The following CDK5R2 variants were observed in gnomAD, a reference collection of about 807,000 sequenced individuals.
CDK5R2 encodes the protein cyclin-dependent kinase 5 activator 2.
In CDK5R2, 7 loss-of-function variants were observed where a neutral mutation model predicts 23.1. That is an observed-to-expected ratio of 0.30 (90% CI 0.17 to 0.57). CDK5R2 has a LOEUF of 0.57. Among genes scored for constraint, CDK5R2 ranks in the 20% least tolerant of loss-of-function variants. The pLI, the probability that CDK5R2 is intolerant of heterozygous loss-of-function variation, is 0.91. For missense variants in CDK5R2, 380 were observed against 537.6 expected (o/e 0.71, Z 2.90); for synonymous variants, 242 against 264.9 (o/e 0.91, Z 0.84).
Position 218,960,456 on chromosome 2 carries a change from G to C in CDK5R2, c.636G>C (p.Trp212Cys). 1 of 1,612,734 alleles carries C rather than the reference G, an allele frequency of 6.2e-7. No homozygotes were observed. Among genetic ancestry groups the C allele is most frequent in the Non-Finnish European group, 8.5e-7 (1 of 1,179,888 alleles). Residue 212 changes from tryptophan (W) to cysteine (C), a missense_variant, in exon 1 of 1, where the codon TGG (tryptophan) becomes TGC (cysteine). Physicochemically the swap from Trp to Cys is radical, Grantham distance 215. Coordinates refer to ENST00000302625, the MANE Select transcript of CDK5R2 (RefSeq NM_003936.5). Reference sequence around the variant, plus strand: ...TGAGCCCGGGCGAGCTGGTGGGCTGGTTCCGCGGTGTGGACCGCTCGCTGC... The same window carrying C: ...TGAGCCCGGGCGAGCTGGTGGGCTGCTTCCGCGGTGTGGACCGCTCGCTGC... ...KELSPGELVGWFRGVDRSLLL... is the reference protein window; with the variant it reads ...KELSPGELVGCFRGVDRSLLL...
In CDK5R2 at chr2:218,959,941, G is replaced by T; in HGVS notation, c.121G>T (p.Ala41Ser). Residue 41 changes from alanine (A) to serine (S), a missense_variant, in exon 1 of 1, where the codon GCG becomes TCG. Around this residue, in one of 3 missense-constraint regions of CDK5R2, gnomAD observed 197 missense variants for 246.4 expected, o/e 0.80. Transcript: ENST00000302625. This position sits in a 1 kb window ranked among gnomAD's most constrained non-coding sequence, Gnocchi z 4.0. ...AGDEALGGYG[A>S]PPVGKGGKGE... ...GGACGAGGCGCTGGGGGGCTACGGG[G>T]CGCCGCCAGTGGGCAAGGGCGGCAA... 6.6e-7 allele frequency: 1 copy of T among 1,518,698 alleles called. No individual in the cohort carries two copies. Among genetic ancestry groups the T allele is most frequent in the Non-Finnish European group, 8.8e-7 (1 of 1,136,258 alleles). The allele number at this position is 1,518,698 out of a possible 1,614,324, so 94.1% of individuals were successfully genotyped here.
Position 218,960,845 on chromosome 2 carries a change from G to A in CDK5R2, c.1025G>A (p.Gly342Asp). The change falls in exon 1 of 1, where the codon GGC becomes GAC. Residue 342 changes from glycine (G) to aspartate (D), a missense_variant. Physicochemically the swap from Gly to Asp is moderately conservative, Grantham distance 94. Coordinates refer to ENST00000302625, the MANE Select transcript of CDK5R2 (RefSeq NM_003936.5). Reference protein sequence around the residue: ...AASGGGPPSGGAPAASSAARD... With the variant: ...AASGGGPPSGDAPAASSAARD... Reference sequence around the variant, plus strand: ...AGCGGCGGGGGCCCACCGAGCGGGGGCGCGCCCGCCGCCTCCTCGGCCGCC... The same window carrying A: ...AGCGGCGGGGGCCCACCGAGCGGGGACGCGCCCGCCGCCTCCTCGGCCGCC... 1 of 1,508,872 alleles carries A rather than the reference G, an allele frequency of 6.6e-7. No individual in the cohort carries two copies. Among genetic ancestry groups the A allele is most frequent in the African/African-American group, 1.5e-5 (1 of 68,102 alleles). The allele number at this position is 1,508,872 out of a possible 1,614,324, so 93.5% of individuals were successfully genotyped here. A position where few individuals can be genotyped will look rare whatever the true frequency, so the allele number is the denominator to read the frequency against.
rs1234045942 is a variant in CDK5R2 at position 218,960,566 on chromosome 2, G to A, written c.746G>A (p.Gly249Glu). The change falls in exon 1 of 1, where the codon GGG becomes GAG. Residue 249 changes from glycine (G) to glutamate (E), a missense_variant. This residue lies in a region of CDK5R2 where 124 missense variants were observed against 235.5 expected (regional missense o/e 0.53). Transcript: ENST00000302625. ...CTGCTGTGCCGCGAGTCGCTGCGTG[G>A]GGACGAGCTGGCGTCGGCCGCCGAG... ...VYLLCRESLR[G>E]DELASAAELQ... 6.2e-7 allele frequency: 1 copy of A among 1,613,908 alleles called. No individual in the cohort carries two copies. Among genetic ancestry groups the A allele is most frequent in the Admixed American group, 1.7e-5 (1 of 60,030 alleles).
rs950535523 is a variant in CDK5R2, at chr2:218,959,867, G to A, written c.47G>A (p.Arg16Gln). The A allele has an allele frequency of 3.5e-6, 5 of 1,433,654 alleles. No individual in the cohort carries two copies. The highest frequency in any genetic ancestry group is 3.6e-6 in the Non-Finnish European group (4 of 1,105,634). 88.8% of individuals were successfully genotyped at this position (1,433,654 alleles called of 1,614,324 possible). A position where few individuals can be genotyped will look rare whatever the true frequency, so the allele number is the denominator to read the frequency against. ...SLSPASSAKG[R>Q]RPGGLPEEKK... ...TCGCCTGCCTCCTCGGCCAAGGGCC[G>A]GAGGCCCGGCGGGCTGCCCGAGGAG... Residue 16 changes from arginine to glutamine, a missense_variant, in exon 1 of 1, where the codon CGG (arginine) becomes CAG (glutamine). Around this residue, in one of 3 missense-constraint regions of CDK5R2, gnomAD observed 197 missense variants for 246.4 expected, o/e 0.80. Coordinates refer to ENST00000302625, the MANE Select transcript of CDK5R2 (RefSeq NM_003936.5). This position sits in a 1 kb window ranked among gnomAD's most constrained non-coding sequence, Gnocchi z 4.0.
chr2:218,960,919 C>A lies in CDK5R2; in HGVS notation c.1099C>A (p.Arg367Ser). ...CAAGCACTGGACTATGAACCTGGAC[C>A]GCTAGGGATACCCAGGGGCCGCGCC... The part of the protein sequence containing the change: ...GTKHWTMNLD[R>S] The change falls in exon 1 of 1, where the codon CGC becomes AGC. Residue 367 changes from arginine (R) to serine (S), a missense_variant. By Grantham distance (110) the Arg-to-Ser change is moderately radical. Around this residue, in one of 3 missense-constraint regions of CDK5R2, gnomAD observed 59 missense variants for 55.7 expected, o/e 1.06. Coordinates refer to ENST00000302625, the MANE Select transcript of CDK5R2 (RefSeq NM_003936.5). 7.1e-7 allele frequency: 1 copy of A among 1,415,036 alleles called. No individual in the cohort carries two copies. The highest frequency in any genetic ancestry group is 9.2e-7 in the Non-Finnish European group (1 of 1,082,622). The allele number at this position is 1,415,036 out of a possible 1,614,324, so 87.7% of individuals were successfully genotyped here.
rs188341731 is a variant in CDK5R2, at chr2:218,961,306, C to A, written c.*382C>A. 1 of 197,932 alleles carries A rather than the reference C, an allele frequency of 5.1e-6. No individual in the cohort carries two copies. Among genetic ancestry groups the A allele is most frequent in the African/African-American group, 2.3e-5 (1 of 42,570 alleles). The allele number at this position is 197,932 out of a possible 1,614,324, so 12.3% of individuals were successfully genotyped here. A position where few individuals can be genotyped will look rare whatever the true frequency, so the allele number is the denominator to read the frequency against. Reference sequence around the variant, plus strand: ...TCCTCCTGTCTGCATTCCTCTCTCTCTCTCTCCCTCTCTCTCCTGTTCCTC... The same window carrying A: ...TCCTCCTGTCTGCATTCCTCTCTCTATCTCTCCCTCTCTCTCCTGTTCCTC... On this transcript the variant is annotated 3_prime_UTR_variant, in exon 1 of 1. Transcript: ENST00000302625. The surrounding 1 kb of genome is among the most constrained non-coding windows in gnomAD (Gnocchi z 4.4).
At position 218,959,960 on chromosome 2, in the gene CDK5R2, G is replaced by C. The variant is rs757681013; in HGVS notation, c.140G>C (p.Gly47Ala). 3 of 1,543,236 alleles carry C rather than the reference G, an allele frequency of 1.9e-6. No homozygotes were observed. Among genetic ancestry groups the C allele is most frequent in the Non-Finnish European group, 2.6e-6 (3 of 1,147,486 alleles). ...GGYGAPPVGK[G>A]GKGESRLKRP... The stretch of plus-strand genomic sequence containing the variant: ...TACGGGGCGCCGCCAGTGGGCAAGG[G>C]CGGCAAAGGCGAGAGCCGACTCAAG... Residue 47 changes from glycine (G) to alanine (A), a missense_variant, in exon 1 of 1, where the codon GGC becomes GCC. By Grantham distance (60) the Gly-to-Ala change is moderately conservative. Coordinates refer to ENST00000302625, the MANE Select transcript of CDK5R2 (RefSeq NM_003936.5). The surrounding 1 kb of genome is among the most constrained non-coding windows in gnomAD (Gnocchi z 4.0).
In CDK5R2 at chr2:218,961,141, C is replaced by T. The variant is rs760346685; in HGVS notation, c.*217C>T. ...GTGGAGTGGGGACGGAAGATGAGCG[C>T]GGGAAAGGCACTCCAACCTCACTCT... On this transcript the variant is annotated 3_prime_UTR_variant, in exon 1 of 1. Transcript: ENST00000302625. This position sits in a 1 kb window ranked among gnomAD's most constrained non-coding sequence, Gnocchi z 4.4. The T allele has an allele frequency of 1.9e-5, 8 of 426,586 alleles. No individual in the cohort carries two copies. The highest frequency in any genetic ancestry group is 2.9e-5 in the Non-Finnish European group (7 of 238,036). 26.4% of individuals were successfully genotyped at this position (426,586 alleles called of 1,614,324 possible). A position where few individuals can be genotyped will look rare whatever the true frequency, so the allele number is the denominator to read the frequency against.
In CDK5R2 at chr2:218,960,983, C is replaced by T; in HGVS notation, c.*59C>T. On this transcript the variant is annotated 3_prime_UTR_variant, in exon 1 of 1. Coordinates refer to ENST00000302625, the MANE Select transcript of CDK5R2 (RefSeq NM_003936.5). ...AGCCCCTGACACACACTCGGACCCC[C>T]CGGGACCACAAAGCCACCGCCGCTG... 2 of 911,226 alleles carry T rather than the reference C, an allele frequency of 2.2e-6. No homozygotes were observed. Among genetic ancestry groups the T allele is most frequent in the Non-Finnish European group, 3.1e-6 (2 of 648,100 alleles). The allele number at this position is 911,226 out of a possible 1,614,324, so 56.4% of individuals were successfully genotyped here.
In CDK5R2 at chr2:218,960,971, C is replaced by G. The variant is rs1945200738; in HGVS notation, c.*47C>G. 5 of 1,009,574 alleles carry G rather than the reference C, an allele frequency of 5.0e-6. No homozygotes were observed. Among genetic ancestry groups the G allele is most frequent in the Non-Finnish European group, 6.9e-6 (5 of 729,100 alleles). The allele number at this position is 1,009,574 out of a possible 1,614,324, so 62.5% of individuals were successfully genotyped here. On this transcript the variant is annotated 3_prime_UTR_variant, in exon 1 of 1. Transcript: ENST00000302625. ...ATCCCCCGCCCCAGCCCCTGACACA[C>G]ACTCGGACCCCCCGGGACCACAAAG...
At position 218,961,262 on chromosome 2, in the gene CDK5R2, CT is replaced by C; in HGVS notation, c.*343del. ...TCGGTTTTATCCATTTCCTTGCCTC[CT>C]TTTTGTGTCTTCATTTTTCCTCCTG... On this transcript the variant is annotated 3_prime_UTR_variant, in exon 1 of 1. Transcript: ENST00000302625. This position sits in a 1 kb window ranked among gnomAD's most constrained non-coding sequence, Gnocchi z 4.4. 1 of 275,112 alleles carries C rather than the reference CT, an allele frequency of 3.6e-6. No individual in the cohort carries two copies. 17.0% of individuals were successfully genotyped at this position (275,112 alleles called of 1,614,324 possible). A position where few individuals can be genotyped will look rare whatever the true frequency, so the allele number is the denominator to read the frequency against.
Position 218,960,264 on chromosome 2 carries a change from G to T in CDK5R2, c.444G>T (p.Pro148=). 7.9e-7 allele frequency: 1 copy of T among 1,269,950 alleles called. No individual in the cohort carries two copies. Among genetic ancestry groups the T allele is most frequent in the Non-Finnish European group, 9.8e-7 (1 of 1,015,462 alleles). The allele number at this position is 1,269,950 out of a possible 1,614,324, so 78.7% of individuals were successfully genotyped here. A position where few individuals can be genotyped will look rare whatever the true frequency, so the allele number is the denominator to read the frequency against. The change falls in exon 1 of 1, where the codon CCG becomes CCT. Residue 148 remains proline, a synonymous_variant. Coordinates refer to ENST00000302625, the MANE Select transcript of CDK5R2 (RefSeq NM_003936.5). The stretch of plus-strand genomic sequence containing the variant: ...GGGGCAGCGCGGCCGCTCAGCCGCC[G>T]GGCTCGGGCGGGGGAAAGCCTCCGC... ...PSGGSAAAQP[P]GSGGGKPPPP... is the part of the protein sequence containing the mutation.
At position 218,960,342 on chromosome 2, in the gene CDK5R2, G is replaced by A. The variant is rs1945194378; in HGVS notation, c.522G>A (p.Pro174=). 2 of 1,508,130 alleles carry A rather than the reference G, an allele frequency of 1.3e-6. No individual in the cohort carries two copies. Among genetic ancestry groups the A allele is most frequent in the Non-Finnish European group, 1.8e-6 (2 of 1,134,798 alleles). 93.4% of individuals were successfully genotyped at this position (1,508,130 alleles called of 1,614,324 possible). A position where few individuals can be genotyped will look rare whatever the true frequency, so the allele number is the denominator to read the frequency against. ...CGCCGCCGGTGCCTGGCGGCTCGCC[G>A]CGGCGGGTCATCGTGCAGGCGTCCA... ...QVAPPVPGGS[P]RRVIVQASTG... is the part of the protein sequence containing the mutation. Residue 174 remains proline, a synonymous_variant, in exon 1 of 1, where the codon CCG becomes CCA. Coordinates refer to ENST00000302625, the MANE Select transcript of CDK5R2 (RefSeq NM_003936.5).
rs1275028645 is a variant in CDK5R2, at chr2:218,960,305, C to T, written c.485C>T (p.Ala162Val). The change falls in exon 1 of 1, where the codon GCC becomes GTC. Residue 162 changes from alanine (A) to valine (V), a missense_variant. Coordinates refer to ENST00000302625, the MANE Select transcript of CDK5R2 (RefSeq NM_003936.5). ...GGKPPPPPPP[A>V]PQVAPPVPGG... ...AAGCCTCCGCCGCCGCCTCCCCCAGCCCCGCAGGTGGCGCCGCCGGTGCCT... is the reference window on the plus strand; with the variant it reads ...AAGCCTCCGCCGCCGCCTCCCCCAGTCCCGCAGGTGGCGCCGCCGGTGCCT... 8.2e-6 allele frequency: 12 copies of T among 1,459,058 alleles called. No homozygotes were observed. Among genetic ancestry groups the T allele is most frequent in the Non-Finnish European group, 9.9e-6 (11 of 1,114,394 alleles). 90.4% of individuals were successfully genotyped at this position (1,459,058 alleles called of 1,614,324 possible).
In CDK5R2 at chr2:218,961,313, C is replaced by T; in HGVS notation, c.*389C>T. On this transcript the variant is annotated 3_prime_UTR_variant, in exon 1 of 1. Transcript: ENST00000302625. This position sits in a 1 kb window ranked among gnomAD's most constrained non-coding sequence, Gnocchi z 4.4. ...GTCTGCATTCCTCTCTCTCTCTCTC[C>T]CTCTCTCTCCTGTTCCTCTCTTTCT... is the stretch of plus-strand genomic sequence containing the variant. 2 of 193,406 alleles carry T rather than the reference C, an allele frequency of 1.0e-5. No homozygotes were observed. The highest frequency in any genetic ancestry group is 2.3e-5 in the Non-Finnish European group (2 of 87,010). 12.0% of individuals were successfully genotyped at this position (193,406 alleles called of 1,614,324 possible). A position where few individuals can be genotyped will look rare whatever the true frequency, so the allele number is the denominator to read the frequency against.
rs1347085861 is a variant in CDK5R2, at chr2:218,961,605, A to G, written c.*681A>G. 6.0e-6 allele frequency: 1 copy of G among 167,040 alleles called. No individual in the cohort carries two copies. The highest frequency in any genetic ancestry group is 1.9e-4 in the East Asian group (1 of 5,184). 10.3% of individuals were successfully genotyped at this position (167,040 alleles called of 1,614,324 possible). On this transcript the variant is annotated 3_prime_UTR_variant, in exon 1 of 1. Transcript: ENST00000302625. This position sits in a 1 kb window ranked among gnomAD's most constrained non-coding sequence, Gnocchi z 4.4. ...TGATCAAAGGGAATATTAGTTTTTA[A>G]TTTGGATCGACTGAGGTGCCAGGAG...
At position 218,960,101 on chromosome 2, in the gene CDK5R2, C is replaced by A; in HGVS notation, c.281C>A (p.Pro94His). ...AAGCCGGCATCCACGGGCCCCGACC[C>A]CCTGGTCCAGCAACGCAACCGCGAG... ...TPKPASTGPD[P>H]LVQQRNRENL... The change falls in exon 1 of 1, where the codon CCC becomes CAC. Residue 94 changes from proline (P) to histidine (H), a missense_variant. Physicochemically the swap from Pro to His is moderately conservative, Grantham distance 77. Transcript: ENST00000302625. 6.2e-7 allele frequency: 1 copy of A among 1,600,686 alleles called. No homozygotes were observed. The highest frequency in any genetic ancestry group is 8.5e-7 in the Non-Finnish European group (1 of 1,174,842).
rs1945203877 is a variant in CDK5R2 at position 218,961,258 on chromosome 2, C to A, written c.*334C>A. 3.5e-6 allele frequency: 1 copy of A among 283,540 alleles called. No homozygotes were observed. The highest frequency in any genetic ancestry group is 6.9e-6 in the Non-Finnish European group (1 of 144,608). 17.6% of individuals were successfully genotyped at this position (283,540 alleles called of 1,614,324 possible). A position where few individuals can be genotyped will look rare whatever the true frequency, so the allele number is the denominator to read the frequency against. On this transcript the variant is annotated 3_prime_UTR_variant, in exon 1 of 1. Transcript: ENST00000302625. This position sits in a 1 kb window ranked among gnomAD's most constrained non-coding sequence, Gnocchi z 4.4. The stretch of plus-strand genomic sequence containing the variant: ...CCCCTCGGTTTTATCCATTTCCTTG[C>A]CTCCTTTTTGTGTCTTCATTTTTCC...
Position 218,959,722 on chromosome 2 carries a change from G to C in CDK5R2, c.-99G>C, listed in dbSNP as rs943337282. The C allele has an allele frequency of 2.5e-6, 3 of 1,205,096 alleles. No homozygotes were observed. The highest frequency in any genetic ancestry group is 2.1e-6 in the Non-Finnish European group (2 of 970,506). 74.7% of individuals were successfully genotyped at this position (1,205,096 alleles called of 1,614,324 possible). ...CCCCGCCAGTCCGCGCGCCCGGGCC[G>C]GGGCTAGGCCCCCCACCGCCGGGTC... On this transcript the variant is annotated 5_prime_UTR_variant, in exon 1 of 1. Coordinates refer to ENST00000302625, the MANE Select transcript of CDK5R2 (RefSeq NM_003936.5). This position sits in a 1 kb window ranked among gnomAD's most constrained non-coding sequence, Gnocchi z 4.0.
Sources: gnomAD v4.1 joint callset for allele counts on GRCh38, gnomAD v4.1.1 for gene constraint, gnomAD v4.1.1 regional missense constraint, Gnocchi (gnomAD v3.1) non-coding constraint, MANE v1.5 for transcripts, NCBI Gene and HGNC (gene_info 2026-07-23, HGNC 2026-07-21) for gene names.